RAB3C: variants seen among roughly 807,000 people sequenced by gnomAD.
RAB3C encodes ras-related protein Rab-3C.
In RAB3C, 17 loss-of-function variants were observed where a neutral mutation model predicts 26.4. The observed-to-expected ratio is 0.64, with a 90% CI of 0.44 to 0.97. The LOEUF (loss-of-function observed/expected upper bound fraction) is 0.97. Among genes scored for constraint, RAB3C ranks in the 50% least tolerant of loss-of-function variants. The pLI, the probability that RAB3C is intolerant of heterozygous loss-of-function variation, is 0.00. For missense variants in RAB3C, 242 were observed against 281.9 expected, an observed-to-expected ratio of 0.86 and a Z score of 1.01; for synonymous variants, 91 against 95.9, an observed-to-expected ratio of 0.95 and a Z score of 0.30.
intron 3 of RAB3C, among the ~76,000 whole-genome samples, chr5:58,737,394 AATATATATATATATATATATATATATAT>A (rs55691242): frequency 0.057 from 2,192 of 38,276 alleles, 165 homozygotes; most frequent in African/African-American, 0.14. Context: ...CACCCTATGA[AATATATATATATATATATATATATATAT>A]ATATATATAT....
rs1744156833 is a variant in RAB3C, at chr5:58,853,346, A to C, written c.*1995A>C. The C allele has an allele frequency of 6.6e-6, 1 of 152,228 alleles. No homozygotes were observed. The highest frequency in any genetic ancestry group is 2.4e-5 in the African/African-American group (1 of 41,464). The allele number at this position is 152,228 out of a possible 1,614,324, so 9.4% of individuals were successfully genotyped here. ...ATATAGCTATTAAGCTCACTTTTAC[A>C]ATCTAAAAGGAACTAATAAAGCCAG... On this transcript the variant is annotated 3_prime_UTR_variant, in exon 5 of 5. Transcript: ENST00000282878.
chr5:58,585,845 CTTT>C (rs1238513851), intron 1 of RAB3C, among the ~76,000 whole-genome samples: 3 of 151,940 alleles, frequency 2.0e-5, no homozygotes, highest in Non-Finnish European at 4.4e-5. Context: ...TCTTTATTTC[CTTT>C]CTAATCTAAA....
chr5:58,716,229 A>C (rs1221043457), intron 2 of RAB3C, among the ~76,000 whole-genome samples: 1 of 152,070 alleles, frequency 6.6e-6, no homozygotes, highest in Non-Finnish European at 1.5e-5. Flanking sequence ...CAATTTCAGT[A>C]GAGTCTTAGC....
intron 2 of RAB3C, among the ~76,000 whole-genome samples, chr5:58,639,762 T>G (rs949480024): frequency 2.6e-5 from 4 of 152,204 alleles, no homozygotes; most frequent in African/African-American, 9.6e-5. Flanking sequence ...ATAAACCACC[T>G]GCTCACCACA....
At position 58,606,383 on chromosome 5, in the gene RAB3C, G is replaced by T. The variant is rs991761634; in HGVS notation, c.25-11260G>T. ...TTGCTGAGGCTTGAATAGGTAAAGTGGCTGAGAAGCACAAATTGGGCAGAG... is the reference window on the plus strand; with the variant it reads ...TTGCTGAGGCTTGAATAGGTAAAGTTGCTGAGAAGCACAAATTGGGCAGAG... On this transcript the variant is annotated intron_variant, in intron 1 of 4. Coordinates refer to ENST00000282878, the MANE Select transcript of RAB3C (RefSeq NM_138453.4). Among the ~76,000 whole-genome samples, 4 of 152,218 alleles carry T rather than the reference G, an allele frequency of 2.6e-5. No homozygotes were observed. The East Asian group carries it at 7.7e-4, about 29-fold the overall frequency.
intron 2 of RAB3C, among the ~76,000 whole-genome samples, chr5:58,668,581 A>G (rs555851072): frequency 1.3e-5 from 2 of 152,216 alleles, no homozygotes; most frequent in South Asian, 2.1e-4. Flanking sequence ...CTGAGTCCAC[A>G]TTAGGTATAT....
chr5:58,636,387 T>A (rs1747289943), intron 2 of RAB3C, among the ~76,000 whole-genome samples: 1 of 152,220 alleles, frequency 6.6e-6, no homozygotes, highest in South Asian at 2.1e-4. Context: ...TCTGGTCAAG[T>A]ATCCATCATA....
chr5:58,615,985 G>GACACACAC (rs58004467), intron 1 of RAB3C, among the ~76,000 whole-genome samples: 8,113 of 149,588 alleles, frequency 0.054, 287 homozygotes, highest in Non-Finnish European at 0.087. Context: ...CACACACACA[G>GACACACAC]ACACACACAC....
chr5:58,825,723 A>G (rs1276179946), intron 4 of RAB3C, among the ~76,000 whole-genome samples: 1 of 152,198 alleles, frequency 6.6e-6, no homozygotes, highest in Non-Finnish European at 1.5e-5. Flanking sequence ...GATAATAGAT[A>G]TGAGAAAGTT....
chr5:58,681,482 T>C (rs1471202059), intron 2 of RAB3C, among the ~76,000 whole-genome samples: 1 of 152,246 alleles, frequency 6.6e-6, no homozygotes, highest in East Asian at 1.9e-4. Context: ...TTTAAATGGC[T>C]ACTATTAAGC....
intron 2 of RAB3C, among the ~76,000 whole-genome samples, chr5:58,687,003 T>A (rs1748458005): frequency 6.6e-6 from 1 of 152,066 alleles, no homozygotes; most frequent in Admixed American, 6.6e-5. Flanking sequence ...AACCTCAAAG[T>A]CATTTCACTC....
intron 3 of RAB3C, among the ~76,000 whole-genome samples, chr5:58,791,376 A>G (rs1742519213): frequency 1.3e-5 from 2 of 152,172 alleles, no homozygotes; most frequent in African/African-American, 2.4e-5. Context: ...CACAGGAGAA[A>G]TGTGGGCTCC....
intron 2 of RAB3C, among the ~76,000 whole-genome samples, chr5:58,634,183 T>C (rs1335177443): frequency 6.6e-6 from 1 of 152,154 alleles, no homozygotes; most frequent in African/African-American, 2.4e-5. Flanking sequence ...TAAATTTTAT[T>C]TAGATATTTT....
intron 2 of RAB3C, among the ~76,000 whole-genome samples, chr5:58,652,331 T>C (rs1405291537): frequency 1.3e-5 from 2 of 151,836 alleles, no homozygotes; most frequent in Non-Finnish European, 2.9e-5. Flanking sequence ...GATGCTATAC[T>C]TAGAGAATAT....
chr5:58,808,559 G>A (rs1183578812), intron 3 of RAB3C, among the ~76,000 whole-genome samples: 1 of 152,068 alleles, frequency 6.6e-6, no homozygotes, highest in Non-Finnish European at 1.5e-5. Context: ...TAAATTAAGT[G>A]GCCCAAGAAT....
intron 2 of RAB3C, among the ~76,000 whole-genome samples, chr5:58,663,068 T>TTTATATATAAATAGTAGTA (rs1747936505): frequency 6.6e-6 from 1 of 150,388 alleles, no homozygotes; most frequent in Non-Finnish European, 1.5e-5. Context: ...AAATAGTACT[T>TTTATATATAAATAGTAGTA]CTGCATTTTT....
chr5:58,594,085 G>C (rs975112545), intron 1 of RAB3C, among the ~76,000 whole-genome samples: 1 of 152,162 alleles, frequency 6.6e-6, no homozygotes, highest in African/African-American at 2.4e-5. Context: ...CTTGTCTGCT[G>C]CCACTTGTTT....
rs142456163 is a variant in RAB3C, at chr5:58,610,698, C to T, written c.25-6945C>T. Among the ~76,000 whole-genome samples, 227 of 151,978 alleles carry T rather than the reference C, an allele frequency of 1.5e-3. 1 individual carries two copies. Among genetic ancestry groups the T allele is most frequent in the African/African-American group, 5.2e-3 (215 of 41,480 alleles). ...CCCTAGTTCCTCCTTCCATTCTTTA[C>T]CTTAGCAGGGAATGACTTAGACTAT... On this transcript the variant is annotated intron_variant, in intron 1 of 4. Coordinates refer to ENST00000282878, the MANE Select transcript of RAB3C (RefSeq NM_138453.4).
At chr5:58,651,567 T>C (rs571253540) in intron 2 of RAB3C, among the ~76,000 whole-genome samples, 1 of 152,370 alleles carries the variant, frequency 6.6e-6, no homozygotes, top group Non-Finnish European at 1.5e-5. Flanking sequence ...ATTTATTATG[T>C]ATGCATGTGT....
Sources: allele counts gnomAD v4.1 joint callset (sites outside exome capture counted in the v4.1 genomes callset), GRCh38; gene constraint gnomAD v4.1.1; transcripts MANE v1.5; gene names NCBI Gene and HGNC (gene_info 2026-07-23, HGNC 2026-07-21).